Variants in RIT2 observed in about 807,000 individuals in gnomAD.
The protein encoded by RIT2 is Ras like without CAAX 2.
Under a neutral mutation model 23.7 loss-of-function variants are expected in RIT2, and 24 were observed. That is an observed-to-expected ratio of 1.01 (90% CI 0.73 to 1.43). The LOEUF (loss-of-function observed/expected upper bound fraction) is 1.43. Among genes scored for constraint, RIT2 ranks in the 40% most tolerant of loss-of-function variants. RIT2 has a pLI of 0.00. For missense variants in RIT2, 236 were observed against 266.9 expected (o/e 0.88, Z 0.81); for synonymous variants, 107 against 91.1 (o/e 1.17, Z -0.99).
intron 2 of RIT2, among the ~76,000 whole-genome samples, chr18:43,019,992 C>T (rs970521433): frequency 2.0e-5 from 3 of 150,218 alleles, no homozygotes; most frequent in Admixed American, 6.6e-5. Context: ...GGTGAAAGAC[C>T]TCTACAGGAA....
rs960515642 is a variant in RIT2, at chr18:43,047,530, G to A, written c.104-13663C>T. ...ATAAATTTACAAGTTGTACTTAAAT[G>A]TAATGCTTGCATTTTTCTCTTGATA... On this transcript the variant is annotated intron_variant, in intron 1 of 4. Coordinates refer to ENST00000326695, the MANE Select transcript of RIT2 (RefSeq NM_002930.4). 3.3e-5 allele frequency among the ~76,000 whole-genome samples: 5 copies of A among 152,068 alleles called. No homozygotes were observed. The East Asian group carries it at 7.7e-4, about 23-fold the overall frequency.
At chr18:42,807,171 C>G (rs1905707464) in intron 4 of RIT2, among the ~76,000 whole-genome samples, 1 of 152,074 alleles carries the variant, frequency 6.6e-6, no homozygotes, top group African/African-American at 2.4e-5. Context: ...AAAAAGAAAG[C>G]CATTTTAATC....
At chr18:42,918,955 G>C (rs1908984573) in intron 4 of RIT2, among the ~76,000 whole-genome samples, 1 of 152,068 alleles carries the variant, frequency 6.6e-6, no homozygotes, top group South Asian at 2.1e-4. Flanking sequence ...GTCTCTCCTG[G>C]TTTTCAAAAA....
At chr18:42,919,435 C>A (rs558195333) in intron 4 of RIT2, among the ~76,000 whole-genome samples, 1 of 152,134 alleles carries the variant, frequency 6.6e-6, no homozygotes, top group South Asian at 2.1e-4. Context: ...ACAGTTTGGC[C>A]GGGCGCAGTA....
chr18:42,825,481 A>T (rs1317758511), intron 4 of RIT2, among the ~76,000 whole-genome samples: 1 of 151,874 alleles, frequency 6.6e-6, no homozygotes, highest in Non-Finnish European at 1.5e-5. Flanking sequence ...CCCCCAAAAC[A>T]TCTTTAAAGT....
At chr18:42,973,483 C>A (rs1184680214) in intron 3 of RIT2, among the ~76,000 whole-genome samples, 1 of 151,764 alleles carries the variant, frequency 6.6e-6, no homozygotes, top group Non-Finnish European at 1.5e-5. Flanking sequence ...ATATCTAGGA[C>A]ATGGAGATGT....
chr18:42,776,441 C>T (rs988118385), intron 4 of RIT2, among the ~76,000 whole-genome samples: 2 of 152,146 alleles, frequency 1.3e-5, no homozygotes, highest in Non-Finnish European at 2.9e-5. Context: ...TTTTAACCTT[C>T]ACTGAGAACT....
In RIT2 at chr18:42,743,428, T is replaced by A; in HGVS notation, c.*65A>T. The A allele has an allele frequency of 8.7e-7, 1 of 1,152,714 alleles. No individual in the cohort carries two copies. Among genetic ancestry groups the A allele is most frequent in the Non-Finnish European group, 1.3e-6 (1 of 772,492 alleles). 71.4% of individuals were successfully genotyped at this position (1,152,714 alleles called of 1,614,324 possible). On this transcript the variant is annotated 3_prime_UTR_variant, in exon 5 of 5. Transcript: ENST00000326695. Reference sequence around the variant, plus strand: ...ATAGAGAGATAATATTGAAGCAGAATGCTACATATGGAATTGTCCAACTAA... The same window carrying A: ...ATAGAGAGATAATATTGAAGCAGAAAGCTACATATGGAATTGTCCAACTAA...
At chr18:43,031,790 A>G (rs1024664934) in intron 2 of RIT2, among the ~76,000 whole-genome samples, 15 of 152,116 alleles carry the variant, frequency 9.9e-5, no homozygotes, top group African/African-American at 3.4e-4. Context: ...AAACAGATCT[A>G]GAGAAGGATT....
chr18:43,069,281 G>A (rs903787304), intron 1 of RIT2, among the ~76,000 whole-genome samples: 1 of 151,944 alleles, frequency 6.6e-6, no homozygotes, highest in South Asian at 2.1e-4. Context: ...TATTGGGAAC[G>A]CCCTACTCTG....
At chr18:43,062,594 T>G (rs2144324593) in intron 1 of RIT2, among the ~76,000 whole-genome samples, 1 of 152,288 alleles carries the variant, frequency 6.6e-6, no homozygotes, top group Admixed American at 6.5e-5. Flanking sequence ...AAGCTACCCT[T>G]TGTCTTCAGA....
intron 4 of RIT2, among the ~76,000 whole-genome samples, chr18:42,898,105 T>C (rs754846413): frequency 1.3e-5 from 2 of 152,114 alleles, no homozygotes; most frequent in Non-Finnish European, 2.9e-5. Flanking sequence ...GAGGAGAGGA[T>C]TGAAAAGTGT....
intron 4 of RIT2, among the ~76,000 whole-genome samples, chr18:42,863,408 T>G (rs866517803): frequency 6.6e-6 from 1 of 152,170 alleles, no homozygotes; most frequent in African/African-American, 2.4e-5. Context: ...ACCTCTACCA[T>G]TATTCTTCCG....
chr18:43,008,456 A>G (rs898008362), intron 2 of RIT2, among the ~76,000 whole-genome samples: 1 of 151,450 alleles, frequency 6.6e-6, no homozygotes, highest in Non-Finnish European at 1.5e-5. Context: ...GAGAGAGCAC[A>G]AAGAGAGCTT....
chr18:42,853,109 C>G (rs1313795563), intron 4 of RIT2, among the ~76,000 whole-genome samples: 1 of 152,188 alleles, frequency 6.6e-6, no homozygotes, highest in Non-Finnish European at 1.5e-5. Flanking sequence ...GCTGGGATTA[C>G]AGGCATGAGC....
At chr18:42,796,661 C>T (rs76993365) in intron 4 of RIT2, among the ~76,000 whole-genome samples, 2 of 152,194 alleles carry the variant, frequency 1.3e-5, no homozygotes, top group Non-Finnish European at 2.9e-5. Flanking sequence ...ATATTTCTAC[C>T]TGCCCATGTT....
At chr18:42,784,823 A>C (rs1021124375) in intron 4 of RIT2, among the ~76,000 whole-genome samples, 4 of 152,072 alleles carry the variant, frequency 2.6e-5, no homozygotes, top group African/African-American at 9.7e-5. Context: ...TTTATAGAAC[A>C]TTGAATGCAC....
At chr18:43,003,632 C>T (rs996638665) in intron 2 of RIT2, among the ~76,000 whole-genome samples, 1 of 151,836 alleles carries the variant, frequency 6.6e-6, no homozygotes, top group Admixed American at 6.6e-5. Context: ...AAAGAAGCTA[C>T]GATTCTTCGA....
chr18:42,998,442 G>A (rs1298268962), intron 2 of RIT2, among the ~76,000 whole-genome samples: 2 of 152,056 alleles, frequency 1.3e-5, no homozygotes, highest in Non-Finnish European at 2.9e-5. Flanking sequence ...CTGCTAAAGT[G>A]CATAATACTC....
Sources: allele counts gnomAD v4.1 joint callset (sites outside exome capture counted in the v4.1 genomes callset), GRCh38; gene constraint gnomAD v4.1.1; transcripts MANE v1.5; gene names NCBI Gene and HGNC (gene_info 2026-07-23, HGNC 2026-07-21).